The following CRB1 variants were observed in gnomAD, a reference collection of about 807,000 sequenced individuals.
CRB1 encodes protein crumbs homolog 1.
Under a neutral mutation model 120.0 loss-of-function variants are expected in CRB1, and 83 were observed. The observed-to-expected ratio is 0.69, with a 90% CI of 0.58 to 0.83. The LOEUF is 0.83. CRB1 is among the 40% of genes least tolerant of loss of function. CRB1 has a pLI of 0.00. For synonymous variants in CRB1, 625 were observed against 612.5 expected, an observed-to-expected ratio of 1.02 and a Z score of -0.30; for missense variants, 1,699 against 1,687.6, an observed-to-expected ratio of 1.01 and a Z score of -0.12.
At chr1:197,331,719 A>G (rs557461562) in intron 2 of CRB1, among the ~76,000 whole-genome samples, 28 of 152,320 alleles carry the variant, frequency 1.8e-4, no homozygotes, top group African/African-American at 6.3e-4. Flanking sequence ...ATAAAATCAA[A>G]TTAATGTTTC....
Position 197,347,498 on chromosome 1 carries a change from T to A in CRB1, c.988+19T>A. ...TGGCCTGGTGAGTGACAAAATACCT[T>A]CCACCAATTATTTTTCATTTGTTTA... On this transcript the variant is annotated intron_variant, in intron 4 of 11. Transcript: ENST00000367400. 6.2e-7 allele frequency: 1 copy of A among 1,612,862 alleles called. No individual in the cohort carries two copies. Among genetic ancestry groups the A allele is most frequent in the South Asian group, 1.1e-5 (1 of 91,040 alleles).
chr1:197,427,856 A>G lies in CRB1; in HGVS notation c.2531A>G (p.Asn844Ser). The G allele has an allele frequency of 1.2e-6, 2 of 1,614,060 alleles. No individual in the cohort carries two copies. The highest frequency in any genetic ancestry group is 1.7e-6 in the Non-Finnish European group (2 of 1,179,978). ...CCTGACAAGCAAGAGACTGAACTTAATGGTGGATTCTTCAAAGGCTGTATC... is the reference window on the plus strand; with the variant it reads ...CCTGACAAGCAAGAGACTGAACTTAGTGGTGGATTCTTCAAAGGCTGTATC... The part of the protein sequence containing the change: ...GLPDKQETEL[N>S]GGFFKGCIQD... The change falls in exon 7 of 12, where the codon AAT becomes AGT. Residue 844 changes from asparagine to serine, a missense_variant. Asn to Ser is a conservative substitution (Grantham distance 46). Coordinates refer to ENST00000367400, the MANE Select transcript of CRB1 (RefSeq NM_201253.3).
chr1:197,463,865 G>A (rs1001932606), intron 11 of CRB1, among the ~76,000 whole-genome samples: 9 of 152,054 alleles, frequency 5.9e-5, no homozygotes, highest in Non-Finnish European at 1.2e-4. Context: ...TACCTGGATC[G>A]AATGCTCAAA....
In CRB1 at chr1:197,443,859, G is replaced by C. The variant is rs529210334; in HGVS notation, c.4005+1567G>C. 2.0e-5 allele frequency: 3 copies of C among 152,032 alleles called. No individual in the cohort carries two copies. In the South Asian group the frequency reaches 6.2e-4, roughly 32 times the overall value. 9.4% of individuals were successfully genotyped at this position (152,032 alleles called of 1,614,324 possible). Reference sequence around the variant, plus strand: ...TTTCCACCAGTACGTTATCATTTATGCTAAATATCTTTGTGTAGATATACC... The same window carrying C: ...TTTCCACCAGTACGTTATCATTTATCCTAAATATCTTTGTGTAGATATACC... On this transcript the variant is annotated intron_variant, in intron 11 of 11. Coordinates refer to ENST00000367400, the MANE Select transcript of CRB1 (RefSeq NM_201253.3).
the CRB1 span, among the ~76,000 whole-genome samples, chr1:197,204,783 C>A: frequency 3.3e-5 from 5 of 152,080 alleles, no homozygotes; most frequent in Non-Finnish European, 7.4e-5. Context: ...TTTAATTAAA[C>A]CCCATCTATT....
chr1:197,261,748 CAAT>C, the CRB1 span, among the ~76,000 whole-genome samples: 1 of 152,084 alleles, frequency 6.6e-6, no homozygotes, highest in African/African-American at 2.4e-5. Context: ...ATGTAATTAA[CAAT>C]AAATACCATT....
At chr1:197,439,518 A>G (rs976526982) in intron 10 of CRB1, 13 of 152,178 alleles carry the variant, frequency 8.5e-5, no homozygotes, top group Admixed American at 7.2e-4. Context: ...TGCTGCAGTA[A>G]GGTTGAGCTG....
At chr1:197,405,812 T>C (rs1330797630) in intron 5 of CRB1, among the ~76,000 whole-genome samples, 1 of 150,432 alleles carries the variant, frequency 6.6e-6, no homozygotes, top group East Asian at 2.0e-4. Flanking sequence ...AGCTGCCCCG[T>C]CTGAGAAGTG....
intron 5 of CRB1, among the ~76,000 whole-genome samples, chr1:197,365,217 A>G (rs1198233418): frequency 6.6e-6 from 1 of 152,152 alleles, no homozygotes; most frequent in Non-Finnish European, 1.5e-5. Context: ...AGAATGTTCC[A>G]TGTCCTTCTG....
chr1:197,283,317 T>A (rs974539894), intron 1 of CRB1, among the ~76,000 whole-genome samples: 1 of 151,660 alleles, frequency 6.6e-6, no homozygotes, highest in Non-Finnish European at 1.5e-5. Flanking sequence ...TAGTGGTGAT[T>A]GTGAGATTTT....
intron 5 of CRB1, among the ~76,000 whole-genome samples, chr1:197,383,931 C>G (rs1225325835): frequency 6.6e-6 from 1 of 152,066 alleles, no homozygotes; most frequent in Admixed American, 6.6e-5. Flanking sequence ...AGCCTTAAAA[C>G]CAGTGGAAGG....
Position 197,268,279 on chromosome 1 carries a change from G to C in CRB1, c.-134G>C. 1.3e-6 allele frequency: 1 copy of C among 749,540 alleles called. No individual in the cohort carries two copies. The highest frequency in any genetic ancestry group is 2.5e-6 in the Non-Finnish European group (1 of 404,198). The allele number at this position is 749,540 out of a possible 1,614,324, so 46.4% of individuals were successfully genotyped here. On this transcript the variant is annotated 5_prime_UTR_variant, in exon 1 of 12. Coordinates refer to ENST00000367400, the MANE Select transcript of CRB1 (RefSeq NM_201253.3). ...TCCCTGTATTTTCTGTGAAGGAGCT[G>C]TAAGTAGGGTGGGACAGAGATGGCA...
intron 11 of CRB1, among the ~76,000 whole-genome samples, chr1:197,453,769 CTTATTA>C (rs973280045): frequency 3.2e-4 from 46 of 143,276 alleles, no homozygotes; most frequent in Admixed American, 1.0e-3. Flanking sequence ...TCCTCTTCTT[CTTATTA>C]TTATTATTAT....
chr1:197,301,798 G>A (rs1424204418), intron 1 of CRB1, among the ~76,000 whole-genome samples: 2 of 152,048 alleles, frequency 1.3e-5, no homozygotes, highest in Non-Finnish European at 2.9e-5. Context: ...AATAGCAGGA[G>A]AAGTAGAATT....
At chr1:197,263,161 T>C in the CRB1 span, among the ~76,000 whole-genome samples, 2 of 152,160 alleles carry the variant, frequency 1.3e-5, no homozygotes. Flanking sequence ...GTGTAAGTGT[T>C]CCCTTTATCT....
Position 197,478,386 on chromosome 1 carries a change from G to A in CRB1, c.*507G>A, listed in dbSNP as rs1031544005. On this transcript the variant is annotated 3_prime_UTR_variant, in exon 12 of 12. Coordinates refer to ENST00000367400, the MANE Select transcript of CRB1 (RefSeq NM_201253.3). Reference sequence around the variant, plus strand: ...CTTTTGTCCTTCATTCATGGATTCAGAGAAAGCTCTGGGAATGACTTATGG... The same window carrying A: ...CTTTTGTCCTTCATTCATGGATTCAAAGAAAGCTCTGGGAATGACTTATGG... 1.2e-5 allele frequency: 2 copies of A among 165,096 alleles called. No individual in the cohort carries two copies. Among genetic ancestry groups the A allele is most frequent in the African/African-American group, 4.8e-5 (2 of 41,538 alleles). The allele number at this position is 165,096 out of a possible 1,614,324, so 10.2% of individuals were successfully genotyped here.
chr1:197,229,818 A>G, the CRB1 span, among the ~76,000 whole-genome samples: 1 of 152,136 alleles, frequency 6.6e-6, no homozygotes, highest in Non-Finnish European at 1.5e-5. Context: ...GTCTTGTTCT[A>G]AGGCCTTTTC....
rs76931015 is a variant in CRB1, at chr1:197,417,233, A to G, written c.1172-3767A>G. On this transcript the variant is annotated intron_variant, in intron 5 of 11. Transcript: ENST00000367400. ...GTGGAAGGGAAGGAACAGGAAACTT[A>G]GACTAGATTCTCCACCTGCCTGAGG... Among the ~76,000 whole-genome samples the G allele has an allele frequency of 6.8e-3, 1,030 of 152,310 alleles. 14 individuals carry two copies. The highest frequency in any genetic ancestry group is 0.023 in the African/African-American group (969 of 41,566).
Position 197,439,845 on chromosome 1 carries a change from CTT to C in CRB1, c.3878+1173_3878+1174del, listed in dbSNP as rs1294775302. ...GAATTTTCTGTTTTCTAGCTGGCCTCTTTTGCATCACAAAGACACAGGTCTTT... is the reference window on the plus strand; with the variant it reads ...GAATTTTCTGTTTTCTAGCTGGCCTCTTGCATCACAAAGACACAGGTCTTT... On this transcript the variant is annotated intron_variant, in intron 10 of 11. Coordinates refer to ENST00000367400, the MANE Select transcript of CRB1 (RefSeq NM_201253.3). 7 of 152,296 alleles carry C rather than the reference CTT, an allele frequency of 4.6e-5. No homozygotes were observed. The South Asian group carries it at 1.2e-3, about 27-fold the overall frequency. The allele number at this position is 152,296 out of a possible 1,614,324, so 9.4% of individuals were successfully genotyped here.
Sources: allele counts gnomAD v4.1 joint callset (sites outside exome capture counted in the v4.1 genomes callset), GRCh38; gene constraint gnomAD v4.1.1; transcripts MANE v1.5; gene names NCBI Gene and HGNC (gene_info 2026-07-23, HGNC 2026-07-21).